The following PTPN3 variants were observed in gnomAD, a reference collection of about 807,000 sequenced individuals.
The protein encoded by PTPN3 is protein tyrosine phosphatase non-receptor type 3, also known as tyrosine-protein phosphatase non-receptor type 3.
A neutral mutation model predicts 132.7 loss-of-function variants in PTPN3; 96 were observed. The observed-to-expected ratio is 0.72, with a 90% confidence interval of 0.61 to 0.86. PTPN3 has a LOEUF of 0.86. Among genes scored for constraint, PTPN3 ranks in the 40% least tolerant of loss-of-function variants. PTPN3 has a pLI of 0.00. For missense variants in PTPN3, 1,125 were observed against 1,159.6 expected, an observed-to-expected ratio of 0.97 and a Z score of 0.43; for synonymous variants, 398 against 429.0, an observed-to-expected ratio of 0.93 and a Z score of 0.89.
At position 109,406,497 on chromosome 9, in the gene PTPN3, T is replaced by C. The variant is rs144304313; in HGVS notation, c.1757A>G (p.His586Arg). 5.3e-5 allele frequency: 85 copies of C among 1,613,990 alleles called. No homozygotes were observed. The highest frequency in any genetic ancestry group is 6.9e-5 in the Non-Finnish European group (81 of 1,180,004). ...VMFIKASRES[H>R]SRELALVIRR... ...GATCACCAGGGCCAGCTCCCGTGAG[T>C]GGGACTCCCGGCTGGCTTTGATGAA... The change falls in exon 18 of 26, where the codon CAC (histidine) becomes CGC (arginine). Residue 586 changes from histidine to arginine, a missense_variant. His to Arg is a conservative substitution (Grantham distance 29). Transcript: ENST00000374541.
At chr9:109,485,510 G>GA (rs57906233) in intron 1 of PTPN3, among the ~76,000 whole-genome samples, 5,289 of 151,836 alleles carry the variant, frequency 0.035, 196 homozygotes, top group East Asian at 0.22. Context: ...TACGTCTCAA[G>GA]AAAAAAATAA....
intron 8 of PTPN3, among the ~76,000 whole-genome samples, chr9:109,437,880 T>C (rs1844171162): frequency 6.6e-6 from 1 of 152,214 alleles, no homozygotes; most frequent in African/African-American, 2.4e-5. Flanking sequence ...AATGACATCC[T>C]GAAAAGGACG....
intron 1 of PTPN3, among the ~76,000 whole-genome samples, chr9:109,497,383 T>C (rs536801727): frequency 3.0e-4 from 45 of 152,126 alleles, no homozygotes; most frequent in African/African-American, 1.0e-3. Flanking sequence ...TACCAGCTGA[T>C]TGCAAGGGAG....
intron 19 of PTPN3, among the ~76,000 whole-genome samples, chr9:109,401,778 A>G (rs1841132459): frequency 6.6e-6 from 1 of 152,038 alleles, no homozygotes; most frequent in South Asian, 2.1e-4. Flanking sequence ...ATACCCCATG[A>G]GCTTTGTCTG....
intron 2 of PTPN3, among the ~76,000 whole-genome samples, chr9:109,462,762 G>A (rs1845907693): frequency 6.6e-6 from 1 of 152,032 alleles, no homozygotes; most frequent in African/African-American, 2.4e-5. Context: ...CTGTGAGGCT[G>A]ATTGTTTCAC....
intron 1 of PTPN3, among the ~76,000 whole-genome samples, chr9:109,478,704 T>C (rs1268932485): frequency 1.3e-5 from 2 of 152,224 alleles, no homozygotes; most frequent in African/African-American, 2.4e-5. Context: ...TTCTGTCTTT[T>C]CTACCAGGTA....
the PTPN3 span, among the ~76,000 whole-genome samples, chr9:109,505,500 A>G: frequency 1.3e-5 from 2 of 152,140 alleles, no homozygotes; most frequent in Non-Finnish European, 1.5e-5. Context: ...GCTGGTCTCA[A>G]ACTCCTGGGC....
At chr9:109,478,972 C>A (rs1353435731) in intron 1 of PTPN3, among the ~76,000 whole-genome samples, 1 of 151,072 alleles carries the variant, frequency 6.6e-6, no homozygotes, top group Non-Finnish European at 1.5e-5. Context: ...TTTTTCTTTT[C>A]TTTTTTTCTG....
At chr9:109,426,850 T>C (rs1843315695) in intron 12 of PTPN3, 100 bp downstream of exon 12, 1 of 1,342,072 alleles carries the variant, frequency 7.5e-7, no homozygotes, top group Non-Finnish European at 1.0e-6. Context: ...CCCTGGGCTA[T>C]GGGTTTCCTC....
At chr9:109,430,058 A>C (rs3793532) in intron 10 of PTPN3, among the ~76,000 whole-genome samples, 38,128 of 152,086 alleles carry the variant, frequency 0.25, 5,019 homozygotes, top group Admixed American at 0.33. Flanking sequence ...GTAACTGTGA[A>C]GTAAATTTTT....
At chr9:109,440,024 G>A (rs1844339944) in intron 7 of PTPN3, among the ~76,000 whole-genome samples, 1 of 152,212 alleles carries the variant, frequency 6.6e-6, no homozygotes, top group African/African-American at 2.4e-5. Flanking sequence ...ATAACGAAGG[G>A]ATCTGTTTCC....
chr9:109,528,033 G>A, the PTPN3 span, among the ~76,000 whole-genome samples: 1 of 152,178 alleles, frequency 6.6e-6, no homozygotes, highest in South Asian at 2.1e-4. Context: ...TATGCATTAG[G>A]CTAATGCAAT....
chr9:109,485,687 T>A (rs1176546559), intron 1 of PTPN3, among the ~76,000 whole-genome samples: 2 of 152,156 alleles, frequency 1.3e-5, no homozygotes, highest in Non-Finnish European at 2.9e-5. Context: ...CATCTCCTCC[T>A]ACGGAAACCA....
At chr9:109,428,948 C>T (rs1843474396) in intron 10 of PTPN3, 9 of 985,334 alleles carry the variant, frequency 9.1e-6, no homozygotes, top group Admixed American at 6.1e-5. Context: ...CATGCGCTCT[C>T]TTTGCTATAA....
chr9:109,417,822 T>A, intron 14 of PTPN3: 1 of 970,016 alleles, frequency 1.0e-6, no homozygotes, highest in Non-Finnish European at 1.2e-6. Context: ...TGAACCACTG[T>A]TATTTGCTAT....
chr9:109,499,729 T>C (rs1167569269), upstream of PTPN3, among the ~76,000 whole-genome samples: 3 of 152,172 alleles, frequency 2.0e-5, no homozygotes, highest in East Asian at 5.8e-4. Context: ...GGAACCTCAT[T>C]TCGGTCCTTG....
At chr9:109,428,829 G>A in intron 10 of PTPN3, 145 bp from the exon 11 acceptor site, 1 of 1,429,394 alleles carries the variant, frequency 7.0e-7, no homozygotes, top group Non-Finnish European at 9.1e-7. Flanking sequence ...CTGTAGAAAT[G>A]ATGGCAGCCC....
intron 12 of PTPN3, among the ~76,000 whole-genome samples, chr9:109,423,430 C>T (rs982351800): frequency 1.3e-5 from 2 of 152,106 alleles, no homozygotes; most frequent in African/African-American, 4.8e-5. Context: ...CATGGCAAAA[C>T]CCTACCTCTA....
the PTPN3 span, among the ~76,000 whole-genome samples, chr9:109,519,348 GT>G: frequency 6.6e-6 from 1 of 152,232 alleles, no homozygotes; most frequent in Non-Finnish European, 1.5e-5. Context: ...TAATGTAAGT[GT>G]TTCAAGCATG....
Sources: allele counts gnomAD v4.1 joint callset (sites outside exome capture counted in the v4.1 genomes callset), GRCh38; gene constraint gnomAD v4.1.1; transcripts MANE v1.5; gene names NCBI Gene and HGNC (gene_info 2026-07-23, HGNC 2026-07-21).